SARS1: variants seen among roughly 807,000 people sequenced by gnomAD.
SARS1 encodes serine--tRNA ligase, cytoplasmic.
Under a neutral mutation model 63.7 loss-of-function variants are expected in SARS1, and 25 were observed. The observed-to-expected ratio is 0.39, with a 90% CI of 0.29 to 0.55. The LOEUF (loss-of-function observed/expected upper bound fraction) is 0.55. Ranked by LOEUF, SARS1 falls within the 20% of genes least tolerant of loss-of-function variation. SARS1 has a pLI of 0.62. For missense variants in SARS1, 417 were observed against 649.7 expected, an observed-to-expected ratio of 0.64 and a Z score of 3.89; for synonymous variants, 231 against 243.5, an observed-to-expected ratio of 0.95 and a Z score of 0.48.
Position 109,237,161 on chromosome 1 carries a change from T to A in SARS1, c.1258-83T>A. The A allele has an allele frequency of 1.3e-6, 2 of 1,534,858 alleles. No homozygotes were observed. The highest frequency in any genetic ancestry group is 1.7e-6 in the Non-Finnish European group (2 of 1,143,762). On this transcript the variant is annotated intron_variant, in intron 9 of 10. Coordinates refer to ENST00000234677, the MANE Select transcript of SARS1 (RefSeq NM_006513.4). The surrounding 1 kb of genome is among the most constrained non-coding windows in gnomAD (Gnocchi z 4.1). ...TTGGACAGTTGTGGTTGGGGAAGTC[T>A]GGTTGAATGGATGGTTCCTGGCCGT...
chr1:109,220,021 A>T (rs1654895453), intron 1 of SARS1, among the ~76,000 whole-genome samples: 1 of 152,090 alleles, frequency 6.6e-6, no homozygotes, highest in Non-Finnish European at 1.5e-5. Flanking sequence ...TCTTTTTTAA[A>T]AAATGTTTGA....
intron 1 of SARS1, chr1:109,216,092 A>T: frequency 2.0e-6 from 2 of 985,296 alleles, no homozygotes; most frequent in Non-Finnish European, 2.4e-6. Flanking sequence ...AATGGAATTT[A>T]TGTTTTTTCC....
At chr1:109,219,874 AGTTG>A (rs1387188799) in intron 1 of SARS1, among the ~76,000 whole-genome samples, 2 of 152,282 alleles carry the variant, frequency 1.3e-5, no homozygotes, top group Admixed American at 6.5e-5. Context: ...ATGTAGCAGT[AGTTG>A]GTTCTTTTCA....
intron 9 of SARS1, 197 bp downstream of exon 9, chr1:109,236,745 C>T (rs1420698369): frequency 3.9e-6 from 6 of 1,538,978 alleles, no homozygotes; most frequent in South Asian, 1.2e-5. Flanking sequence ...CTGAATCTAG[C>T]TCTCTTCTAT....
chr1:109,225,432 G>T (rs1655044919), intron 2 of SARS1, among the ~76,000 whole-genome samples: 1 of 152,154 alleles, frequency 6.6e-6, no homozygotes, highest in Non-Finnish European at 1.5e-5. Context: ...TAATTCCCAT[G>T]CATACTCCTC....
rs963601283 is a variant in SARS1, at chr1:109,237,232, C to T, written c.1258-12C>T. ...TGAGCCCGACTTCCCCTCTGGGACC[C>T]TGTCTTCCCAGGTGGAGTTTGTCCA... On this transcript the variant is annotated splice_polypyrimidine_tract_variant and intron_variant, in intron 9 of 10. Transcript: ENST00000234677. The surrounding 1 kb of genome is among the most constrained non-coding windows in gnomAD (Gnocchi z 4.1). The T allele has an allele frequency of 1.9e-6, 3 of 1,606,960 alleles. No homozygotes were observed. Among genetic ancestry groups the T allele is most frequent in the Non-Finnish European group, 1.7e-6 (2 of 1,177,044 alleles).
In SARS1 at chr1:109,237,643, T is replaced by A; in HGVS notation, c.1388-88T>A. ...AAAGGGACCCCTCTGTTCAAAGGGATCATTGTCTTGTTGAATTCTCCCCAG... is the reference window on the plus strand; with the variant it reads ...AAAGGGACCCCTCTGTTCAAAGGGAACATTGTCTTGTTGAATTCTCCCCAG... On this transcript the variant is annotated intron_variant, in intron 10 of 10. Coordinates refer to ENST00000234677, the MANE Select transcript of SARS1 (RefSeq NM_006513.4). The surrounding 1 kb of genome is among the most constrained non-coding windows in gnomAD (Gnocchi z 4.1). 6.9e-7 allele frequency: 1 copy of A among 1,441,840 alleles called. No homozygotes were observed. Among genetic ancestry groups the A allele is most frequent in the Non-Finnish European group, 9.6e-7 (1 of 1,045,408 alleles). 89.3% of individuals were successfully genotyped at this position (1,441,840 alleles called of 1,614,324 possible).
intron 2 of SARS1, among the ~76,000 whole-genome samples, chr1:109,225,634 G>A (rs1655047620): frequency 6.6e-6 from 1 of 152,200 alleles, no homozygotes; most frequent in African/African-American, 2.4e-5. Context: ...TAGAGCACTC[G>A]AAAGCATTCA....
Position 109,236,069 on chromosome 1 carries a change from C to T in SARS1, c.1062C>T (p.Ser354=). 6.2e-7 allele frequency: 1 copy of T among 1,614,004 alleles called. No individual in the cohort carries two copies. Reference sequence around the variant, plus strand: ...CCACCGCAGAGGAGTTCTACCAGTCCCTGGGGATTCCTTACCACATTGTGA... The same window carrying T: ...CCACCGCAGAGGAGTTCTACCAGTCTCTGGGGATTCCTTACCACATTGTGA... ...MITTAEEFYQ[S]LGIPYHIVNI... Residue 354 remains serine (S), a synonymous_variant, in exon 8 of 11, where the codon TCC becomes TCT. Coordinates refer to ENST00000234677, the MANE Select transcript of SARS1 (RefSeq NM_006513.4).
At position 109,214,660 on chromosome 1, in the gene SARS1, C is replaced by T; in HGVS notation, c.136+532C>T. On this transcript the variant is annotated intron_variant, in intron 1 of 10. Transcript: ENST00000234677. The surrounding 1 kb of genome is among the most constrained non-coding windows in gnomAD (Gnocchi z 4.6). ...CCGCTCTTGGCCAAAATAAATGACC[C>T]TGAAGCTTTTCGGAAGGCCATCCCC... The T allele has an allele frequency of 1.0e-6, 1 of 985,672 alleles. No individual in the cohort carries two copies. Among genetic ancestry groups the T allele is most frequent in the Non-Finnish European group, 1.2e-6 (1 of 830,084 alleles). The allele number at this position is 985,672 out of a possible 1,614,324, so 61.1% of individuals were successfully genotyped here.
At chr1:109,216,658 A>C in intron 1 of SARS1, 1 of 889,164 alleles carries the variant, frequency 1.1e-6, no homozygotes, top group Non-Finnish European at 1.3e-6. Flanking sequence ...AATTTGAGAC[A>C]AGGTCTCACT....
rs776627242 is a variant in SARS1 at position 109,229,523 on chromosome 1, G to A, written c.398G>A (p.Arg133Gln). 3.7e-6 allele frequency: 6 copies of A among 1,614,208 alleles called. No individual in the cohort carries two copies. The highest frequency in any genetic ancestry group is 2.2e-5 in the East Asian group (1 of 44,878). The change falls in exon 4 of 11, where the codon CGA becomes CAA. Residue 133 changes from arginine to glutamine, a missense_variant. Around this residue, in one of 3 missense-constraint regions of SARS1, gnomAD observed 359 missense variants for 529.6 expected, o/e 0.68. Coordinates refer to ENST00000234677, the MANE Select transcript of SARS1 (RefSeq NM_006513.4). ...GAAGCAGAGCGGTTTGAGAACCTCCGAGAGATTGGGAACCTTCTGCACCCT... is the reference window on the plus strand; with the variant it reads ...GAAGCAGAGCGGTTTGAGAACCTCCAAGAGATTGGGAACCTTCTGCACCCT... Reference protein sequence around the residue: ...KLEAERFENLREIGNLLHPSV... With the variant: ...KLEAERFENLQEIGNLLHPSV...
chr1:109,226,697 TACACACACAC>T (rs369144830), intron 2 of SARS1, among the ~76,000 whole-genome samples: 5 of 104,148 alleles, frequency 4.8e-5, no homozygotes, highest in African/African-American at 1.5e-4. Context: ...TATATATATA[TACACACACAC>T]ACACACACAC....
chr1:109,235,204 C>A lies in SARS1; in HGVS notation c.748-6C>A. 6.2e-7 allele frequency: 1 copy of A among 1,611,882 alleles called. No homozygotes were observed. The highest frequency in any genetic ancestry group is 1.3e-5 in the African/African-American group (1 of 75,024). On this transcript the variant is annotated splice_polypyrimidine_tract_variant and splice_region_variant and intron_variant, in intron 6 of 10. Transcript: ENST00000234677. This position sits in a 1 kb window ranked among gnomAD's most constrained non-coding sequence, Gnocchi z 4.7. ...TCTTAACTGGTATAGCTCCTTCCTTCCACAGGTGATTGGCAAAGGCAGTGA... is the reference window on the plus strand; with the variant it reads ...TCTTAACTGGTATAGCTCCTTCCTTACACAGGTGATTGGCAAAGGCAGTGA...
At chr1:109,236,593 G>C (rs767818828) in intron 9 of SARS1, 45 bp downstream of exon 9, 1 of 1,580,590 alleles carries the variant, frequency 6.3e-7, no homozygotes, top group Non-Finnish European at 8.6e-7. Context: ...TTCAGTACAC[G>C]GCCCGTCCGA....
chr1:109,223,171 C>G (rs944995118), intron 1 of SARS1, among the ~76,000 whole-genome samples: 1 of 152,162 alleles, frequency 6.6e-6, no homozygotes, highest in South Asian at 2.1e-4. Context: ...TGTCTTCCCC[C>G]AAAGGAAACC....
chr1:109,226,191 T>C (rs1312605788), intron 2 of SARS1, among the ~76,000 whole-genome samples: 1 of 148,864 alleles, frequency 6.7e-6, no homozygotes, highest in Non-Finnish European at 1.5e-5. Context: ...CCTGTGTTGC[T>C]ACTGCACCTG....
rs186630846 is a variant in SARS1, at chr1:109,234,636, A to C, written c.748-574A>C. Among the ~76,000 whole-genome samples, 624 of 152,312 alleles carry C rather than the reference A, an allele frequency of 4.1e-3. 6 individuals are homozygous for C. Among genetic ancestry groups the C allele is most frequent in the Non-Finnish European group, 4.3e-3 (294 of 68,034 alleles). ...GTTTATTGCATACCTGCCAGCATTG[A>C]CCATTATTCATCATGGATGAGTTTT... On this transcript the variant is annotated intron_variant, in intron 6 of 10. Transcript: ENST00000234677.
intron 2 of SARS1, among the ~76,000 whole-genome samples, chr1:109,226,677 A>AAAAAATAT (rs1178056468): frequency 1.5e-3 from 66 of 44,924 alleles, no homozygotes; most frequent in Admixed American, 1.8e-3. Context: ...AAAAAAAAAA[A>AAAAAATAT]ATATATATAT....
Sources: gnomAD v4.1 joint callset for allele counts (sites outside exome capture counted in the v4.1 genomes callset) on GRCh38, gnomAD v4.1.1 for gene constraint, gnomAD v4.1.1 regional missense constraint, Gnocchi (gnomAD v3.1) non-coding constraint, MANE v1.5 for transcripts, NCBI Gene and HGNC (gene_info 2026-07-23, HGNC 2026-07-21) for gene names.